Variants in SH3D19 observed in about 807,000 individuals in gnomAD.
SH3D19 encodes SH3 domain containing 19.
Under a neutral mutation model 112.1 loss-of-function variants are expected in SH3D19, and 58 were observed. The ratio of observed to expected loss-of-function variants is 0.52; its 90% CI spans 0.42 to 0.64. The LOEUF is 0.64. Ranked by LOEUF, SH3D19 falls within the 30% of genes least tolerant of loss-of-function variation. The pLI is 0.00. For missense variants in SH3D19, 1,090 were observed against 1,263.4 expected, an observed-to-expected ratio of 0.86 and a Z score of 2.08; for synonymous variants, 391 against 448.5, an observed-to-expected ratio of 0.87 and a Z score of 1.62.
In SH3D19 at chr4:151,150,178, C is replaced by T. The variant is rs556496721; in HGVS notation, c.1756-617G>A. Among the ~76,000 whole-genome samples the T allele has an allele frequency of 8.4e-3, 383 of 45,416 alleles. 1 individual carries two copies. The highest frequency in any genetic ancestry group is 0.04 in the Middle Eastern group (2 of 50). 29.8% of individuals were successfully genotyped at this position (45,416 alleles called of 152,430 possible). ...CTAGCCTGGGCAACAGAGCAAGACT[C>T]CATCTCAAAAAAAAAAAAAAAAAAA... is the stretch of plus-strand genomic sequence containing the variant. On this transcript the variant is annotated intron_variant, in intron 9 of 19. Coordinates refer to ENST00000604030, the MANE Select transcript of SH3D19 (RefSeq NM_001378122.1).
At chr4:151,185,235 A>G (rs897511168) in intron 3 of SH3D19, among the ~76,000 whole-genome samples, 1 of 152,028 alleles carries the variant, frequency 6.6e-6, no homozygotes, top group African/African-American at 2.4e-5. Context: ...GCAGGAGCCC[A>G]CAGATATGAC....
At chr4:151,315,897 T>G (rs889020104) in intron 1 of SH3D19, among the ~76,000 whole-genome samples, 1 of 152,174 alleles carries the variant, frequency 6.6e-6, no homozygotes, top group Non-Finnish European at 1.5e-5. Context: ...AGCATAACTC[T>G]TACTTCATAG....
At chr4:151,317,080 C>T (rs1730060691) in intron 1 of SH3D19, among the ~76,000 whole-genome samples, 3 of 152,212 alleles carry the variant, frequency 2.0e-5, no homozygotes, top group Admixed American at 1.3e-4. Context: ...AAGGGGTCGG[C>T]ATGACAAGTT....
chr4:151,194,965 C>G (rs1399982256), intron 2 of SH3D19, among the ~76,000 whole-genome samples: 1 of 151,316 alleles, frequency 6.6e-6, no homozygotes, highest in Non-Finnish European at 1.5e-5. Flanking sequence ...ATCCCAGCTA[C>G]CCGGTAGGCT....
intron 1 of SH3D19, among the ~76,000 whole-genome samples, chr4:151,232,140 C>T (rs970749855): frequency 1.1e-4 from 17 of 152,162 alleles, no homozygotes; most frequent in Non-Finnish European, 1.2e-4. Flanking sequence ...GCTGAGGTCA[C>T]GCCACTGCAC....
In SH3D19 at chr4:151,175,042, T is replaced by G. The variant is rs1447149034; in HGVS notation, c.1162A>C (p.Asn388His). ...TTAACACTTCGTATAAGGCCAGGGT[T>G]TGGTTTCTTTGGCAATTCAGGTTTG... The part of the protein sequence containing the change: ...VTKPELPKKP[N>H]PGLIRSVNPE... Residue 388 changes from asparagine (N) to histidine (H), a missense_variant, in exon 7 of 20, where the codon AAC becomes CAC. Asn to His is a moderately conservative substitution (Grantham distance 68). Transcript: ENST00000604030. 1 of 1,614,138 alleles carries G rather than the reference T, an allele frequency of 6.2e-7. No individual in the cohort carries two copies. Among genetic ancestry groups the G allele is most frequent in the Non-Finnish European group, 8.5e-7 (1 of 1,180,008 alleles).
intron 9 of SH3D19, among the ~76,000 whole-genome samples, chr4:151,152,600 C>T (rs552872889): frequency 6.7e-6 from 1 of 149,062 alleles, no homozygotes; most frequent in African/African-American, 2.5e-5. Flanking sequence ...GCTCACCAAA[C>T]CTCCGCCTCC....
intron 1 of SH3D19, among the ~76,000 whole-genome samples, chr4:151,257,939 T>C (rs1772065544): frequency 6.6e-6 from 1 of 152,048 alleles, no homozygotes; most frequent in Non-Finnish European, 1.5e-5. Flanking sequence ...ACAAAGCCAG[T>C]CCTTGGGAGA....
intron 1 of SH3D19, among the ~76,000 whole-genome samples, chr4:151,246,326 C>G (rs1770944412): frequency 6.6e-6 from 1 of 152,180 alleles, no homozygotes; most frequent in African/African-American, 2.4e-5. Context: ...TCTGAATCAT[C>G]TAACATAGAA....
chr4:151,208,755 G>A (rs1321417067), intron 2 of SH3D19, among the ~76,000 whole-genome samples: 2 of 150,436 alleles, frequency 1.3e-5, no homozygotes, highest in Non-Finnish European at 2.9e-5. Flanking sequence ...TCAGCTCACT[G>A]CAAGCTCCGT....
intron 5 of SH3D19, 29 bp downstream of exon 5, chr4:151,176,788 T>A: frequency 8.1e-7 from 1 of 1,231,746 alleles, no homozygotes; most frequent in Non-Finnish European, 1.0e-6. Context: ...AAAAATAAAA[T>A]GCAAAGAGAT....
At chr4:151,218,850 T>C (rs1767573188) in intron 2 of SH3D19, among the ~76,000 whole-genome samples, 1 of 152,218 alleles carries the variant, frequency 6.6e-6, no homozygotes, top group African/African-American at 2.4e-5. Context: ...TGTTGTAATG[T>C]GAAAGCAGCC....
intron 1 of SH3D19, among the ~76,000 whole-genome samples, chr4:151,247,025 A>G (rs1418924630): frequency 6.6e-6 from 1 of 152,222 alleles, no homozygotes; most frequent in Non-Finnish European, 1.5e-5. Flanking sequence ...CCAGCTCCAG[A>G]GCTGAAACTC....
chr4:151,256,721 T>C (rs966274978), intron 1 of SH3D19, among the ~76,000 whole-genome samples: 3 of 147,056 alleles, frequency 2.0e-5, no homozygotes, highest in African/African-American at 5.0e-5. Context: ...GCTTGGCCTC[T>C]AGAAAGCTTC....
At chr4:151,126,655 T>C (rs753404917) in intron 19 of SH3D19, among the ~76,000 whole-genome samples, 99 of 151,002 alleles carry the variant, frequency 6.6e-4, no homozygotes, top group Middle Eastern at 3.4e-3. Context: ...AAAAATTAGC[T>C]GGGCATGGTG....
chr4:151,300,515 C>T (rs1259867158), intron 1 of SH3D19: 2 of 151,442 alleles, frequency 1.3e-5, no homozygotes, highest in African/African-American at 4.9e-5. Context: ...GTAGTATGGC[C>T]ATGTGCTCAC....
chr4:151,133,160 T>C lies in SH3D19; in HGVS notation c.2563A>G (p.Ile855Val). ...DELSFSEGEI[I>V]ILKEYVNEEW... ...TCATTCACATACTCTTTAAGAATAA[T>C]AATTTCTCCCTCTGAGAAACTCAAC... Residue 855 changes from isoleucine (I) to valine (V), a missense_variant, in exon 16 of 20, where the codon ATT (isoleucine) becomes GTT (valine). By Grantham distance (29) the Ile-to-Val change is conservative (BLOSUM62 3). Coordinates refer to ENST00000604030, the MANE Select transcript of SH3D19 (RefSeq NM_001378122.1). 6.2e-7 allele frequency: 1 copy of C among 1,614,158 alleles called. No homozygotes were observed. The highest frequency in any genetic ancestry group is 1.1e-5 in the South Asian group (1 of 91,080).
chr4:151,147,991 A>AGC lies in SH3D19; in HGVS notation c.2012_2013insGC (p.Phe672LeufsTer30). On this transcript the variant is annotated frameshift_variant, in exon 11 of 20. Transcript: ENST00000604030. LOFTEE classifies it high-confidence loss of function. The stretch of plus-strand genomic sequence containing the variant: ...GTAGCACCGGATCTTGATTTTTAAA[A>AGC]ACTTGACTCTTGGCTTTTGAGAGTC... 1 of 1,614,166 alleles carries AGC rather than the reference A, an allele frequency of 6.2e-7. No homozygotes were observed. Among genetic ancestry groups the AGC allele is most frequent in the Non-Finnish European group, 8.5e-7 (1 of 1,180,030 alleles).
At position 151,122,032 on chromosome 4, in the gene SH3D19, T is replaced by C. The variant is rs974620608; in HGVS notation, c.*59A>G. On this transcript the variant is annotated 3_prime_UTR_variant, in exon 20 of 20. Transcript: ENST00000604030. ...AAAAATAGTGCAAAAACATATCTGA[T>C]AGTCAAGGTGATAGTTCAAGTGAGT... 1 of 814,914 alleles carries C rather than the reference T, an allele frequency of 1.2e-6. No individual in the cohort carries two copies. The highest frequency in any genetic ancestry group is 2.1e-6 in the Non-Finnish European group (1 of 480,038). The allele number at this position is 814,914 out of a possible 1,614,324, so 50.5% of individuals were successfully genotyped here. A position where few individuals can be genotyped will look rare whatever the true frequency, so the allele number is the denominator to read the frequency against.
Sources: gnomAD v4.1 joint callset for allele counts (sites outside exome capture counted in the v4.1 genomes callset) on GRCh38, gnomAD v4.1.1 for gene constraint, MANE v1.5 for transcripts, NCBI Gene and HGNC (gene_info 2026-07-23, HGNC 2026-07-21) for gene names.